Variants in UBAC2 observed in about 807,000 individuals in gnomAD.
The protein encoded by UBAC2 is UBA domain containing 2, also known as ubiquitin-associated domain-containing protein 2.
Under a neutral mutation model 44.0 loss-of-function variants are expected in UBAC2, and 26 were observed. The observed-to-expected ratio is 0.59, with a 90% CI of 0.43 to 0.82. UBAC2 has a LOEUF of 0.82. Among genes scored for constraint, UBAC2 ranks in the 40% least tolerant of loss-of-function variants. The pLI, the probability that UBAC2 is intolerant of heterozygous loss-of-function variation, is 0.00. For missense variants in UBAC2, 329 were observed against 419.4 expected, an observed-to-expected ratio of 0.78 and a Z score of 1.88; for synonymous variants, 155 against 154.3, an observed-to-expected ratio of 1.00 and a Z score of -0.04.
rs114174757 is a variant in UBAC2, at chr13:99,302,755, C to A, written c.390-11342C>A. ...CTGTGACCAGCATAGTCAGAGCCTC[C>A]TGGTGCTTCATTAGTAAAGTCAAAT... is the stretch of plus-strand genomic sequence containing the variant. On this transcript the variant is annotated intron_variant, in intron 4 of 8. Transcript: ENST00000403766. Among the ~76,000 whole-genome samples the A allele has an allele frequency of 3.5e-3, 527 of 152,310 alleles. 4 individuals carry two copies. Among genetic ancestry groups the A allele is most frequent in the African/African-American group, 0.012 (510 of 41,560 alleles).
intron 4 of UBAC2, among the ~76,000 whole-genome samples, chr13:99,287,486 A>G (rs1013775197): frequency 3.3e-5 from 5 of 151,954 alleles, no homozygotes; most frequent in African/African-American, 1.2e-4. Flanking sequence ...GTGCAGTGGC[A>G]CGATCATGAC....
At chr13:99,309,992 C>G (rs927892477) in intron 4 of UBAC2, among the ~76,000 whole-genome samples, 1 of 152,150 alleles carries the variant, frequency 6.6e-6, no homozygotes, top group Non-Finnish European at 1.5e-5. Flanking sequence ...CTATCGAGTG[C>G]GATCATGAAT....
chr13:99,329,261 T>A (rs1317467249), intron 6 of UBAC2, among the ~76,000 whole-genome samples: 1 of 152,180 alleles, frequency 6.6e-6, no homozygotes, highest in Non-Finnish European at 1.5e-5. Flanking sequence ...TTAAAACTGG[T>A]TTGCTTATTT....
chr13:99,380,991 C>T lies in UBAC2; in HGVS notation c.928-4237C>T, dbSNP rs114435006. Among the ~76,000 whole-genome samples, 237 of 152,358 alleles carry T rather than the reference C, an allele frequency of 1.6e-3. 2 individuals carry two copies. The highest frequency in any genetic ancestry group is 5.5e-3 in the African/African-American group (228 of 41,576). ...CTGTGACAGCAGACGCTCTCTTCTG[C>T]CAAGACCTGTGAAAAGCCAGTCTTA... is the stretch of plus-strand genomic sequence containing the variant. On this transcript the variant is annotated intron_variant, in intron 8 of 8. Coordinates refer to ENST00000403766, the MANE Select transcript of UBAC2 (RefSeq NM_001144072.2).
intron 7 of UBAC2, among the ~76,000 whole-genome samples, chr13:99,348,679 G>C (rs1187699196): frequency 6.6e-6 from 1 of 152,210 alleles, no homozygotes; most frequent in Non-Finnish European, 1.5e-5. Flanking sequence ...TTATTTTTAA[G>C]AAAGCTCACT....
intron 4 of UBAC2, among the ~76,000 whole-genome samples, chr13:99,274,175 A>T (rs1420090363): frequency 1.3e-5 from 2 of 151,674 alleles, no homozygotes. Context: ...CTGTTTTTAA[A>T]CTTTACATAA....
intron 4 of UBAC2, among the ~76,000 whole-genome samples, chr13:99,280,145 A>G (rs1566482861): frequency 6.6e-6 from 1 of 152,104 alleles, no homozygotes; most frequent in Non-Finnish European, 1.5e-5. Flanking sequence ...TTTATCTACA[A>G]AGGAGATCTG....
At chr13:99,358,267 G>A (rs968491403) in intron 7 of UBAC2, among the ~76,000 whole-genome samples, 1 of 152,166 alleles carries the variant, frequency 6.6e-6, no homozygotes, top group African/African-American at 2.4e-5. Context: ...TCAAAGGGGA[G>A]GATGTCTGTA....
intron 4 of UBAC2, 25 bp from the exon 5 acceptor site, chr13:99,314,072 G>T (rs1286855767): frequency 1.3e-6 from 2 of 1,588,408 alleles, no homozygotes; most frequent in Non-Finnish European, 1.7e-6. Context: ...CTATTATAGT[G>T]ATTTTTTTTT....
chr13:99,244,605 A>C lies in UBAC2; in HGVS notation c.370A>C (p.Ser124Arg), dbSNP rs1386402541. The C allele has an allele frequency of 1.2e-5, 20 of 1,611,038 alleles. No homozygotes were observed. Among genetic ancestry groups the C allele is most frequent in the African/African-American group, 2.7e-5 (2 of 74,858 alleles). The part of the protein sequence containing the change: ...MQYFFGITAA[S>R]NLPSGFLAPV... Reference sequence around the variant, plus strand: ...GTATTTCTTTGGCATCACTGCAGCTAGTAATTTGCCTTCTGGATTGTAAGT... The same window carrying C: ...GTATTTCTTTGGCATCACTGCAGCTCGTAATTTGCCTTCTGGATTGTAAGT... Residue 124 changes from serine to arginine, a missense_variant, in exon 4 of 9, where the codon AGT (serine) becomes CGT (arginine). By Grantham distance (110) the Ser-to-Arg change is moderately radical. Coordinates refer to ENST00000403766, the MANE Select transcript of UBAC2 (RefSeq NM_001144072.2).
chr13:99,299,185 GCAGAGC>G (rs2044220400), intron 4 of UBAC2, among the ~76,000 whole-genome samples: 1 of 152,186 alleles, frequency 6.6e-6, no homozygotes, highest in Admixed American at 6.5e-5. Context: ...GCAGCATCTA[GCAGAGC>G]CAGAGATTGC....
chr13:99,278,346 G>A (rs1259456741), intron 4 of UBAC2, among the ~76,000 whole-genome samples: 3 of 152,134 alleles, frequency 2.0e-5, no homozygotes, highest in Non-Finnish European at 4.4e-5. Context: ...TCTCGGGCGC[G>A]TGAAGGGATT....
intron 6 of UBAC2, among the ~76,000 whole-genome samples, chr13:99,320,968 C>G (rs1023086736): frequency 4.6e-5 from 7 of 152,150 alleles, no homozygotes; most frequent in African/African-American, 1.7e-4. Context: ...AAATAAAATT[C>G]TTACTATGCA....
intron 4 of UBAC2, among the ~76,000 whole-genome samples, chr13:99,248,591 CA>C (rs1455948121): frequency 6.6e-6 from 1 of 152,188 alleles, no homozygotes; most frequent in East Asian, 1.9e-4. Flanking sequence ...CCGTATTGGT[CA>C]GGCTGGTCAC....
Position 99,218,351 on chromosome 13 carries a change from CCT to C in UBAC2, c.31+17415_31+17416del, listed in dbSNP as rs1379777826. ...GAAACACTTTTCTCTGGCATGCAGG[CCT>C]CTGTGTTTGGTGCTGTTTCAGGACT... On this transcript the variant is annotated intron_variant, in intron 1 of 8. Transcript: ENST00000403766. Among the ~76,000 whole-genome samples, 12 of 152,254 alleles carry C rather than the reference CCT, an allele frequency of 7.9e-5. No homozygotes were observed. The East Asian group carries it at 2.3e-3, about 29-fold the overall frequency.
In UBAC2 at chr13:99,313,930, A is replaced by G. The variant is rs1178048678; in HGVS notation, c.390-167A>G. Among the ~76,000 whole-genome samples, 1 of 152,234 alleles carries G rather than the reference A, an allele frequency of 6.6e-6. No homozygotes were observed. Among genetic ancestry groups the G allele is most frequent in the Non-Finnish European group, 1.5e-5 (1 of 68,032 alleles). On this transcript the variant is annotated intron_variant, in intron 4 of 8. Coordinates refer to ENST00000403766, the MANE Select transcript of UBAC2 (RefSeq NM_001144072.2). Reference sequence around the variant, plus strand: ...TAGAGTTTTCATAAAGTGTTCTATAAGTACAAATTATTTTGGACATGAATC... The same window carrying G: ...TAGAGTTTTCATAAAGTGTTCTATAGGTACAAATTATTTTGGACATGAATC...
At chr13:99,348,794 T>C (rs1167830503) in intron 7 of UBAC2, among the ~76,000 whole-genome samples, 1 of 152,218 alleles carries the variant, frequency 6.6e-6, no homozygotes, top group Non-Finnish European at 1.5e-5. Context: ...GAGGATAGCA[T>C]GAGCCTAGGA....
intron 7 of UBAC2, among the ~76,000 whole-genome samples, chr13:99,358,219 G>A (rs1488681449): frequency 6.6e-6 from 1 of 152,216 alleles, no homozygotes; most frequent in Admixed American, 6.5e-5. Context: ...AGAAATTTCT[G>A]TCGGATTCTG....
intron 7 of UBAC2, among the ~76,000 whole-genome samples, chr13:99,342,362 C>T (rs1230453989): frequency 2.0e-5 from 3 of 152,066 alleles, no homozygotes; most frequent in African/African-American, 7.2e-5. Context: ...AGGGCTTCAG[C>T]GTGTGAATTT....
Sources: gnomAD v4.1 joint callset for allele counts (sites outside exome capture counted in the v4.1 genomes callset) on GRCh38, gnomAD v4.1.1 for gene constraint, MANE v1.5 for transcripts, NCBI Gene and HGNC (gene_info 2026-07-23, HGNC 2026-07-21) for gene names.